The following SHISA4 variants were observed in gnomAD, a reference collection of about 807,000 sequenced individuals.
SHISA4 encodes shisa family member 4.
In SHISA4, 16 loss-of-function variants were observed where a neutral mutation model predicts 24.2. The observed-to-expected ratio is 0.66, with a 90% confidence interval of 0.45 to 1.00. SHISA4 has a LOEUF of 1.00. Ranked by LOEUF, SHISA4 falls within the 50% of genes least tolerant of loss-of-function variation. The pLI, the probability that SHISA4 is intolerant of heterozygous loss-of-function variation, is 0.00. For synonymous variants in SHISA4, 106 were observed against 105.4 expected (o/e 1.01, Z -0.04); for missense variants, 238 against 258.9 (o/e 0.92, Z 0.55).
chr1:201,890,101 A>C (rs1255039670), intron 2 of SHISA4, among the ~76,000 whole-genome samples: 4 of 152,160 alleles, frequency 2.6e-5, no homozygotes, highest in Admixed American at 2.6e-4. Context: ...TATAAAATAG[A>C]TATAGAGACT....
Position 201,890,882 on chromosome 1 carries a change from A to G in SHISA4, c.379+295A>G, listed in dbSNP as rs1008739224. On this transcript the variant is annotated intron_variant, in intron 3 of 4. Transcript: ENST00000362011. ...GGGTGCAGTGGGTGTATGCATACAT[A>G]TGACTCTTAGTAAGTACACGGGGTC... Among the ~76,000 whole-genome samples the G allele has an allele frequency of 6.6e-5, 10 of 152,220 alleles. No individual in the cohort carries two copies. Among genetic ancestry groups the G allele is most frequent in the Non-Finnish European group, 1.3e-4 (9 of 68,048 alleles).
intron 3 of SHISA4, among the ~76,000 whole-genome samples, chr1:201,890,880 A>G (rs933351961): frequency 6.6e-6 from 1 of 152,230 alleles, no homozygotes. Context: ...GTATGCATAC[A>G]TATGACTCTT....
chr1:201,891,365 T>C, intron 3 of SHISA4, 36 bp from the exon 4 acceptor site: 1 of 1,613,300 alleles, frequency 6.2e-7, no homozygotes, highest in South Asian at 1.1e-5. Flanking sequence ...CCATAGGAGA[T>C]GGGTCTCTGA....
chr1:201,888,935 G>C lies in SHISA4; in HGVS notation c.-60G>C, dbSNP rs901493444. 2 of 1,198,396 alleles carry C rather than the reference G, an allele frequency of 1.7e-6. No homozygotes were observed. Among genetic ancestry groups the C allele is most frequent in the Non-Finnish European group, 2.2e-6 (2 of 926,428 alleles). The allele number at this position is 1,198,396 out of a possible 1,614,324, so 74.2% of individuals were successfully genotyped here. A position where few individuals can be genotyped will look rare whatever the true frequency, so the allele number is the denominator to read the frequency against. The stretch of plus-strand genomic sequence containing the variant: ...GGCCCCGCCGCAGCTCCAGCTGGCC[G>C]GCTTGGTCCTGCGGTCCCTTCTCTG... On this transcript the variant is annotated 5_prime_UTR_variant, in exon 1 of 5. Coordinates refer to ENST00000362011, the MANE Select transcript of SHISA4 (RefSeq NM_198149.3).
At chr1:201,889,862 T>C (rs1017682935) in intron 2 of SHISA4, among the ~76,000 whole-genome samples, 2 of 152,184 alleles carry the variant, frequency 1.3e-5, no homozygotes, top group African/African-American at 4.8e-5. Flanking sequence ...AGGTTCTTTC[T>C]GGAGCCCTCC....
rs1263382162 is a variant in SHISA4 at position 201,891,931 on chromosome 1, G to A, written c.*85G>A. On this transcript the variant is annotated 3_prime_UTR_variant, in exon 5 of 5. Coordinates refer to ENST00000362011, the MANE Select transcript of SHISA4 (RefSeq NM_198149.3). ...CCTGTACCTGCATCTGGTCCTGGGG[G>A]TGGCAGGAGTCCTCCAGCCACCAGG... 1 of 1,528,140 alleles carries A rather than the reference G, an allele frequency of 6.5e-7. No individual in the cohort carries two copies. The highest frequency in any genetic ancestry group is 2.3e-5 in the East Asian group (1 of 44,422). 94.7% of individuals were successfully genotyped at this position (1,528,140 alleles called of 1,614,324 possible).
In SHISA4 at chr1:201,892,550, A is replaced by G. The variant is rs539151856; in HGVS notation, c.*704A>G. On this transcript the variant is annotated 3_prime_UTR_variant, in exon 5 of 5. Coordinates refer to ENST00000362011, the MANE Select transcript of SHISA4 (RefSeq NM_198149.3). ...CTGAAGAGATGCTCGTTTGCACTAC[A>G]GATATTCCCTGCTAGGGATCAACAG... Among the ~76,000 whole-genome samples the G allele has an allele frequency of 7.9e-4, 121 of 152,258 alleles. No individual in the cohort carries two copies. The highest frequency in any genetic ancestry group is 1.1e-3 in the Non-Finnish European group (74 of 68,008).
chr1:201,890,801 T>C (rs1418842356), intron 3 of SHISA4, among the ~76,000 whole-genome samples: 2 of 152,252 alleles, frequency 1.3e-5, no homozygotes, highest in African/African-American at 2.4e-5. Context: ...TGTGCATTTC[T>C]GTGCATACAC....
chr1:201,889,419 T>A (rs1173491803), intron 1 of SHISA4, 26 bp from the exon 2 acceptor site: 1 of 1,608,798 alleles, frequency 6.2e-7, no homozygotes, highest in Non-Finnish European at 8.5e-7. Context: ...TGGTGGCCAC[T>A]GGGCACCCCC....
intron 2 of SHISA4, among the ~76,000 whole-genome samples, chr1:201,889,854 G>A (rs1681060735): frequency 6.6e-6 from 1 of 152,190 alleles, no homozygotes; most frequent in African/African-American, 2.4e-5. Context: ...GGGTTTCCAG[G>A]TTCTTTCTGG....
At chr1:201,891,066 C>A (rs1226778749) in intron 3 of SHISA4, among the ~76,000 whole-genome samples, 2 of 152,112 alleles carry the variant, frequency 1.3e-5, no homozygotes, top group Non-Finnish European at 2.9e-5. Flanking sequence ...TAGGAGAAGA[C>A]CCTCTTAGTG....
At chr1:201,889,700 T>G (rs1340054086) in intron 2 of SHISA4, 84 bp downstream of exon 2, 2 of 1,492,700 alleles carry the variant, frequency 1.3e-6, no homozygotes, top group Non-Finnish European at 1.8e-6. Flanking sequence ...GACTCCTGCC[T>G]CCTCCGTTGT....
chr1:201,891,118 C>G (rs1432079073), intron 3 of SHISA4, among the ~76,000 whole-genome samples: 1 of 152,136 alleles, frequency 6.6e-6, no homozygotes, highest in Non-Finnish European at 1.5e-5. Context: ...TGAGCTGTCC[C>G]CTTCTTGCCC....
chr1:201,889,469 G>A lies in SHISA4; in HGVS notation c.98G>A (p.Trp33Ter). 1 of 1,613,634 alleles carries A rather than the reference G, an allele frequency of 6.2e-7. No individual in the cohort carries two copies. The highest frequency in any genetic ancestry group is 8.5e-7 in the Non-Finnish European group (1 of 1,180,014). ...PLVLAGEDCL[W>*]YLDRNGSWHP... ...GTGCTGGCCGGCGAGGACTGCCTGT[G>A]GTACCTGGACCGGAATGGCTCCTGG... Residue 33 changes from tryptophan (W) to a stop codon, truncating the protein, a stop_gained, in exon 2 of 5, where the codon TGG (tryptophan) becomes TAG (stop). Transcript: ENST00000362011. LOFTEE classifies it high-confidence loss of function.
chr1:201,891,821 C>T lies in SHISA4; in HGVS notation c.569C>T (p.Pro190Leu). 1 of 1,614,100 alleles carries T rather than the reference C, an allele frequency of 6.2e-7. No individual in the cohort carries two copies. Among genetic ancestry groups the T allele is most frequent in the Non-Finnish European group, 8.5e-7 (1 of 1,179,996 alleles). The change falls in exon 5 of 5, where the codon CCA becomes CTA. Residue 190 changes from proline to leucine, a missense_variant. Transcript: ENST00000362011. ...NPAAPPPYMP[P>L]QPSYPGA ...TCAGCTCCTCCTCCCTATATGCCAC[C>T]ACAGCCCTCTTACCCGGGAGCCTGA...
chr1:201,888,726 CA>C, upstream of SHISA4: 1 of 350,922 alleles, frequency 2.8e-6, no homozygotes, highest in East Asian at 4.2e-5. Context: ...GAGCCGGGGA[CA>C]GGGGGAGCAG....
Position 201,892,164 on chromosome 1 carries a change from T to G in SHISA4, c.*318T>G. The G allele has an allele frequency of 7.6e-6, 2 of 263,528 alleles. No homozygotes were observed. Among genetic ancestry groups the G allele is most frequent in the Non-Finnish European group, 1.3e-5 (2 of 148,484 alleles). 16.3% of individuals were successfully genotyped at this position (263,528 alleles called of 1,614,324 possible). A position where few individuals can be genotyped will look rare whatever the true frequency, so the allele number is the denominator to read the frequency against. On this transcript the variant is annotated 3_prime_UTR_variant, in exon 5 of 5. Transcript: ENST00000362011. ...CTCCCAAGATCCCAGCCAGGAAGGC[T>G]GGGGCCCTACTGTTTGTCCCCTCTG...
In SHISA4 at chr1:201,889,428, C is replaced by T. The variant is rs764334128; in HGVS notation, c.74-17C>T. The T allele has an allele frequency of 7.5e-6, 12 of 1,610,176 alleles. No individual in the cohort carries two copies. The highest frequency in any genetic ancestry group is 4.0e-5 in the African/African-American group (3 of 74,888). Reference sequence around the variant, plus strand: ...CTGGCCTGGTGGCCACTGGGCACCCCCAATCCCTGCCCGCAGTGCTGGCCG... The same window carrying T: ...CTGGCCTGGTGGCCACTGGGCACCCTCAATCCCTGCCCGCAGTGCTGGCCG... On this transcript the variant is annotated splice_polypyrimidine_tract_variant and intron_variant, in intron 1 of 4. Coordinates refer to ENST00000362011, the MANE Select transcript of SHISA4 (RefSeq NM_198149.3).
Position 201,891,539 on chromosome 1 carries a change from C to A in SHISA4, c.518C>A (p.Pro173Gln). The A allele has an allele frequency of 1.2e-6, 2 of 1,613,458 alleles. No homozygotes were observed. The highest frequency in any genetic ancestry group is 1.7e-6 in the Non-Finnish European group (2 of 1,179,688). Residue 173 changes from proline (P) to glutamine (Q), a missense_variant, in exon 4 of 5, where the codon CCA becomes CAA. Coordinates refer to ENST00000362011, the MANE Select transcript of SHISA4 (RefSeq NM_198149.3). Reference sequence around the variant, plus strand: ...CCTGCTCCCCAATATCCACTCTACCCAGCTGGGCCCCCAGTCTACAACCCT... The same window carrying A: ...CCTGCTCCCCAATATCCACTCTACCAAGCTGGGCCCCCAGTCTACAACCCT... ...SGPAPQYPLY[P>Q]AGPPVYNPAA...
Sources: allele counts gnomAD v4.1 joint callset (sites outside exome capture counted in the v4.1 genomes callset), GRCh38; gene constraint gnomAD v4.1.1; transcripts MANE v1.5; gene names NCBI Gene and HGNC (gene_info 2026-07-23, HGNC 2026-07-21).